The following RPS6KA2 variants were observed in gnomAD, a reference collection of about 807,000 sequenced individuals.
The protein encoded by RPS6KA2 is ribosomal protein S6 kinase A2.
Under a neutral mutation model 91.8 loss-of-function variants are expected in RPS6KA2, and 42 were observed. That is an observed-to-expected ratio of 0.46 (90% CI 0.36 to 0.59). The LOEUF (loss-of-function observed/expected upper bound fraction) is 0.59, where lower values mean the gene tolerates loss of function less well. Among genes scored for constraint, RPS6KA2 ranks in the 20% least tolerant of loss-of-function variants. The pLI is 0.00. For missense variants in RPS6KA2, 798 were observed against 978.5 expected, an observed-to-expected ratio of 0.82 and a Z score of 2.46; for synonymous variants, 414 against 393.6, an observed-to-expected ratio of 1.05 and a Z score of -0.61.
In RPS6KA2 at chr6:166,493,612, C is replaced by G. The variant is rs977236570; in HGVS notation, c.748-2871G>C. Among the ~76,000 whole-genome samples, 1 of 152,066 alleles carries G rather than the reference C, an allele frequency of 6.6e-6. No individual in the cohort carries two copies. The highest frequency in any genetic ancestry group is 2.4e-5 in the African/African-American group (1 of 41,368). On this transcript the variant is annotated intron_variant, in intron 8 of 20. Transcript: ENST00000265678. The surrounding 1 kb of genome is among the most constrained non-coding windows in gnomAD (Gnocchi z 4.7). ...ATCGGCACCGAGACCAGGCTGCAGA[C>G]AGGCACAGAGGGGCTCAAGGAGATG...
intron 2 of RPS6KA2, among the ~76,000 whole-genome samples, chr6:166,749,710 C>T (rs148754837): frequency 4.8e-3 from 148 of 30,688 alleles, no homozygotes; most frequent in South Asian, 0.018. Context: ...CAGGCCCCCA[C>T]CTCCTCAGGC....
chr6:166,722,593 C>T (rs903876555), intron 2 of RPS6KA2, among the ~76,000 whole-genome samples: 1 of 152,172 alleles, frequency 6.6e-6, no homozygotes, highest in Non-Finnish European at 1.5e-5. Context: ...GCTTTGGGTC[C>T]GTGACCCTCA....
At chr6:166,839,939 C>T (rs533587575) in intron 2 of RPS6KA2, among the ~76,000 whole-genome samples, 4 of 151,692 alleles carry the variant, frequency 2.6e-5, no homozygotes, top group African/African-American at 7.3e-5. Context: ...GGACAAAAAT[C>T]GACCTCTCCA....
intron 1 of RPS6KA2, among the ~76,000 whole-genome samples, chr6:166,547,734 G>C (rs542088639): frequency 6.6e-6 from 1 of 152,354 alleles, no homozygotes; most frequent in East Asian, 1.9e-4. Context: ...GTGATAGAGA[G>C]TAGTCAGCTG....
chr6:166,588,620 A>G (rs1253637585), intron 1 of RPS6KA2, among the ~76,000 whole-genome samples: 2 of 152,208 alleles, frequency 1.3e-5, no homozygotes, highest in Non-Finnish European at 2.9e-5. Flanking sequence ...CCTTGCATGT[A>G]CATAATTCCT....
intron 2 of RPS6KA2, among the ~76,000 whole-genome samples, chr6:166,722,825 A>G (rs149709034): frequency 1.3e-5 from 2 of 152,262 alleles, no homozygotes; most frequent in Non-Finnish European, 2.9e-5. Flanking sequence ...AGTTTCCATG[A>G]GCTTCAATCG....
chr6:166,442,716 C>T (rs1406112838), intron 14 of RPS6KA2, among the ~76,000 whole-genome samples: 2 of 152,010 alleles, frequency 1.3e-5, no homozygotes, highest in Non-Finnish European at 2.9e-5. Context: ...AATTGGCACT[C>T]GAATGATGTA....
intron 7 of RPS6KA2, 27 bp from the exon 8 acceptor site, chr6:166,498,677 G>T: frequency 6.2e-7 from 1 of 1,612,318 alleles, no homozygotes. Context: ...CACACACACT[G>T]CCTCAGTCTC....
intron 16 of RPS6KA2, among the ~76,000 whole-genome samples, chr6:166,428,059 C>T (rs1778988790): frequency 6.6e-6 from 1 of 151,858 alleles, no homozygotes; most frequent in South Asian, 2.1e-4. Context: ...AACTATACTA[C>T]AAGGCTACAG....
chr6:166,538,416 G>A (rs1783547729), intron 2 of RPS6KA2, among the ~76,000 whole-genome samples: 1 of 152,176 alleles, frequency 6.6e-6, no homozygotes, highest in Non-Finnish European at 1.5e-5. Context: ...AAGAGCCAAG[G>A]GAGGCTCTAG....
chr6:166,507,285 G>A (rs1006643920), intron 5 of RPS6KA2, among the ~76,000 whole-genome samples: 8 of 151,988 alleles, frequency 5.3e-5, no homozygotes, highest in Admixed American at 3.3e-4. Context: ...CTGCAGGGGC[G>A]CTGCCAGGGC....
chr6:166,791,217 A>C (rs1779079906), intron 2 of RPS6KA2, among the ~76,000 whole-genome samples: 2 of 152,346 alleles, frequency 1.3e-5, no homozygotes, highest in Middle Eastern at 3.4e-3. Context: ...TCGCAATCCT[A>C]GTCTCTGATA....
chr6:166,653,444 C>T (rs1787920763), intron 2 of RPS6KA2, among the ~76,000 whole-genome samples: 1 of 152,210 alleles, frequency 6.6e-6, no homozygotes, highest in Non-Finnish European at 1.5e-5. Context: ...CAGGCCCACA[C>T]AGTTATTGAA....
rs901997082 is a variant in RPS6KA2 at position 166,733,770 on chromosome 6, CTGTT to C, written c.123+124426_123+124429del. Among the ~76,000 whole-genome samples, 10 of 152,140 alleles carry C rather than the reference CTGTT, an allele frequency of 6.6e-5. No individual in the cohort carries two copies. Among genetic ancestry groups the C allele is most frequent in the African/African-American group, 9.7e-5 (4 of 41,422 alleles). On this transcript the variant is annotated intron_variant, in intron 2 of 21. Coordinates refer to the RPS6KA2 transcript ENST00000503859. The surrounding 1 kb of genome is among the most constrained non-coding windows in gnomAD (Gnocchi z 4.1). ...TGCCCTGGTAGGTGCCATCCCTAAA[CTGTT>C]TGGGAGAGAAGAGGAAGAGAGAAGT...
chr6:166,777,357 C>T (rs932866819), intron 2 of RPS6KA2, among the ~76,000 whole-genome samples: 2 of 152,156 alleles, frequency 1.3e-5, no homozygotes, highest in Non-Finnish European at 2.9e-5. Context: ...TGGTCTGGTG[C>T]CAGGAACATG....
intron 2 of RPS6KA2, among the ~76,000 whole-genome samples, chr6:166,832,945 AAT>A (rs919696863): frequency 3.0e-4 from 45 of 152,358 alleles, no homozygotes; most frequent in African/African-American, 1.0e-3. Flanking sequence ...AGATCTTGCC[AAT>A]ATGTTTGAAA....
At chr6:166,698,318 T>C (rs772971760) in intron 2 of RPS6KA2, among the ~76,000 whole-genome samples, 14 of 152,152 alleles carry the variant, frequency 9.2e-5, no homozygotes, top group Non-Finnish European at 1.6e-4. Context: ...TTTTAGGATG[T>C]ATCTGAGTGA....
At chr6:166,850,499 T>A (rs1411740020) in intron 2 of RPS6KA2, among the ~76,000 whole-genome samples, 2 of 152,326 alleles carry the variant, frequency 1.3e-5, no homozygotes, top group East Asian at 3.9e-4. Context: ...AGCAGCTCCA[T>A]CTAAAAGCCC....
intron 2 of RPS6KA2, among the ~76,000 whole-genome samples, chr6:166,841,815 G>A (rs1780486210): frequency 6.6e-6 from 1 of 152,260 alleles, no homozygotes; most frequent in Non-Finnish European, 1.5e-5. Context: ...GAGGCCAGGA[G>A]TGAGGCTTGT....
Sources: allele counts gnomAD v4.1 joint callset (sites outside exome capture counted in the v4.1 genomes callset), GRCh38; gene constraint gnomAD v4.1.1; non-coding constraint Gnocchi (gnomAD v3.1); transcripts MANE v1.5; gene names NCBI Gene and HGNC (gene_info 2026-07-23, HGNC 2026-07-21).